PUM2: variants seen among roughly 807,000 people sequenced by gnomAD.
The protein encoded by PUM2 is pumilio homolog 2.
PUM2 carries 57 observed loss-of-function variants against 124.5 expected under a neutral mutation model. The ratio of observed to expected loss-of-function variants is 0.46; its 90% confidence interval spans 0.37 to 0.57. The LOEUF (loss-of-function observed/expected upper bound fraction) is 0.57, where lower values mean the gene tolerates loss of function less well. Ranked by LOEUF, PUM2 falls within the 20% of genes least tolerant of loss-of-function variation. The pLI, the probability that PUM2 is intolerant of heterozygous loss-of-function variation, is 0.00. For synonymous variants in PUM2, 460 were observed against 446.1 expected, an observed-to-expected ratio of 1.03 and a Z score of -0.39; for missense variants, 1,065 against 1,290.6, an observed-to-expected ratio of 0.83 and a Z score of 2.68.
chr2:20,345,158 G>T (rs571935318), intron 1 of PUM2, among the ~76,000 whole-genome samples: 9 of 149,748 alleles, frequency 6.0e-5, no homozygotes, highest in African/African-American at 2.2e-4. Flanking sequence ...GGAGTGCAGC[G>T]GCACGATCAC....
At chr2:20,310,224 A>G (rs1355643938) in intron 5 of PUM2, among the ~76,000 whole-genome samples, 1 of 152,078 alleles carries the variant, frequency 6.6e-6, no homozygotes, top group Non-Finnish European at 1.5e-5. Flanking sequence ...TACTGTATCT[A>G]AAATAATTAG....
intron 5 of PUM2, among the ~76,000 whole-genome samples, chr2:20,310,857 T>C (rs1283483543): frequency 6.6e-6 from 1 of 152,040 alleles, no homozygotes; most frequent in African/African-American, 2.4e-5. Flanking sequence ...AAATATATAC[T>C]GTCTAATCTA....
At chr2:20,345,031 G>A (rs1296047574) in intron 1 of PUM2, among the ~76,000 whole-genome samples, 5 of 145,400 alleles carry the variant, frequency 3.4e-5, no homozygotes, top group Non-Finnish European at 7.5e-5. Context: ...TTTACCTCTT[G>A]TGGAAAGCTT....
rs974944996 is a variant in PUM2, at chr2:20,250,720, C to T, written c.*865G>A. 6.6e-6 allele frequency: 1 copy of T among 152,334 alleles called. No homozygotes were observed. The highest frequency in any genetic ancestry group is 1.5e-5 in the Non-Finnish European group (1 of 67,982). The allele number at this position is 152,334 out of a possible 1,614,324, so 9.4% of individuals were successfully genotyped here. ...TGAAAAAGCAAAATAAAGCTCAACACTTCCTCAACATGTCTGTAATTCTAT... is the reference window on the plus strand; with the variant it reads ...TGAAAAAGCAAAATAAAGCTCAACATTTCCTCAACATGTCTGTAATTCTAT... On this transcript the variant is annotated 3_prime_UTR_variant, in exon 21 of 21. Transcript: ENST00000361078.
Position 20,336,746 on chromosome 2 carries a change from ATC to A in PUM2, c.-18-9370_-18-9369del, listed in dbSNP as rs1448165742. Among the ~76,000 whole-genome samples the A allele has an allele frequency of 6.2e-4, 54 of 87,382 alleles. 1 individual carries two copies. Among genetic ancestry groups the A allele is most frequent in the Middle Eastern group, 0.014 (2 of 140 alleles). 57.3% of individuals were successfully genotyped at this position (87,382 alleles called of 152,430 possible). On this transcript the variant is annotated intron_variant, in intron 1 of 20. Coordinates refer to ENST00000361078, the MANE Select transcript of PUM2 (RefSeq NM_015317.5). ...GGGTCTCACCATGTTGCCCAGGCTG[ATC>A]TGTGTGTGTGTGTGTGTGTGTGTGT...
chr2:20,318,893 A>G lies in PUM2; in HGVS notation c.52-248T>C, dbSNP rs1351089912. On this transcript the variant is annotated intron_variant, in intron 2 of 20. Coordinates refer to ENST00000361078, the MANE Select transcript of PUM2 (RefSeq NM_015317.5). ...TACTTCTGACTTTTCTTCACTTTTC[A>G]TACATTTTTATTACAATGTAAATTT... Among the ~76,000 whole-genome samples the G allele has an allele frequency of 2.6e-5, 4 of 152,298 alleles. No individual in the cohort carries two copies. In the South Asian group the frequency reaches 6.2e-4, roughly 24 times the overall value.
chr2:20,270,803 A>G (rs1160684868), intron 13 of PUM2, among the ~76,000 whole-genome samples: 1 of 152,210 alleles, frequency 6.6e-6, no homozygotes, highest in Non-Finnish European at 1.5e-5. Flanking sequence ...TTACCCAAAC[A>G]TTCAATGAAA....
At chr2:20,327,276 G>A in intron 2 of PUM2, 34 bp downstream of exon 2, 2 of 1,359,234 alleles carry the variant, frequency 1.5e-6, no homozygotes, top group South Asian at 1.2e-5. Flanking sequence ...AAAATAAAGT[G>A]AGGTGTAAGT....
At chr2:20,281,641 C>T (rs948331830) in intron 12 of PUM2, among the ~76,000 whole-genome samples, 16 of 152,136 alleles carry the variant, frequency 1.1e-4, no homozygotes, top group Middle Eastern at 6.8e-3. Flanking sequence ...TATGGGAGTG[C>T]GTGAGGTGGA....
chr2:20,280,777 G>T (rs1473236537), intron 12 of PUM2, among the ~76,000 whole-genome samples: 1 of 152,112 alleles, frequency 6.6e-6, no homozygotes. Context: ...ATCTAAGAGG[G>T]TAGACAGACT....
At chr2:20,342,180 G>A (rs1208448510) in intron 1 of PUM2, among the ~76,000 whole-genome samples, 2 of 150,778 alleles carry the variant, frequency 1.3e-5, no homozygotes, top group East Asian at 3.9e-4. Context: ...TTGTAACAGA[G>A]AACTAAAGGA....
At chr2:20,351,352 G>A (rs1329422099), upstream of PUM2, among the ~76,000 whole-genome samples, 1 of 152,192 alleles carries the variant, frequency 6.6e-6, no homozygotes, top group Non-Finnish European at 1.5e-5. Context: ...AACCAGACGA[G>A]GGAGATGCAT....
At chr2:20,333,217 T>C (rs1685280901) in intron 1 of PUM2, among the ~76,000 whole-genome samples, 1 of 152,186 alleles carries the variant, frequency 6.6e-6, no homozygotes, top group Admixed American at 6.6e-5. Flanking sequence ...AGTGATAGTT[T>C]TCCTATTTAC....
upstream of PUM2, among the ~76,000 whole-genome samples, chr2:20,351,723 T>G (rs1689359508): frequency 6.6e-6 from 1 of 152,206 alleles, no homozygotes; most frequent in South Asian, 2.1e-4. Flanking sequence ...ATGGTTTGTT[T>G]GCACAGCTCC....
chr2:20,306,242 A>C (rs1385704508), intron 7 of PUM2, among the ~76,000 whole-genome samples: 3 of 152,120 alleles, frequency 2.0e-5, no homozygotes, highest in South Asian at 2.1e-4. Context: ...AACAAAAAAA[A>C]CCTGATGCTT....
chr2:20,305,492 G>A lies in PUM2; in HGVS notation c.883+2486C>T, dbSNP rs1375840317. ...AAAAAAAAAAAAAAAAAAAAAAGAC[G>A]TATCTAAAATTATTTTTGTGAAGCA... On this transcript the variant is annotated intron_variant, in intron 7 of 20. Transcript: ENST00000361078. Among the ~76,000 whole-genome samples, 12 of 119,700 alleles carry A rather than the reference G, an allele frequency of 1.0e-4. No individual in the cohort carries two copies. The South Asian group carries it at 1.2e-3, about 12-fold the overall frequency. 78.5% of individuals were successfully genotyped at this position (119,700 alleles called of 152,430 possible).
chr2:20,265,373 G>A (rs1267384935), intron 13 of PUM2, among the ~76,000 whole-genome samples: 2 of 152,208 alleles, frequency 1.3e-5, no homozygotes, highest in South Asian at 2.1e-4. Context: ...TATTCAAAAC[G>A]TTCAAGAGTT....
chr2:20,338,022 A>G (rs1378946455), intron 1 of PUM2, among the ~76,000 whole-genome samples: 2 of 152,214 alleles, frequency 1.3e-5, no homozygotes, highest in African/African-American at 2.4e-5. Flanking sequence ...GGTAGAGAAC[A>G]TAATACTATC....
chr2:20,283,003 C>T lies in PUM2; in HGVS notation c.1664G>A (p.Ser555Asn), dbSNP rs1414191229. Reference sequence around the variant, plus strand: ...TATAGCAGCACCCAAAGAGTTACCACTTCCAAAGCCAAGAGATGTACTTCC... The same window carrying T: ...TATAGCAGCACCCAAAGAGTTACCATTTCCAAAGCCAAGAGATGTACTTCC... Reference protein sequence around the residue: ...QPGSTSLGFGSGNSLGAAIGS... With the variant: ...QPGSTSLGFGNGNSLGAAIGS... Residue 555 changes from serine to asparagine, a missense_variant, in exon 12 of 21, where the codon AGT becomes AAT. Physicochemically the swap from Ser to Asn is conservative, Grantham distance 46. Transcript: ENST00000361078. 6.2e-7 allele frequency: 1 copy of T among 1,614,134 alleles called. No homozygotes were observed. The highest frequency in any genetic ancestry group is 8.5e-7 in the Non-Finnish European group (1 of 1,180,022).
Sources: allele counts gnomAD v4.1 joint callset (sites outside exome capture counted in the v4.1 genomes callset), GRCh38; gene constraint gnomAD v4.1.1; transcripts MANE v1.5; gene names NCBI Gene and HGNC (gene_info 2026-07-23, HGNC 2026-07-21).